Variants in DPYD observed in about 807,000 individuals in gnomAD.
DPYD encodes the protein dihydropyrimidine dehydrogenase [NADP(+)].
In DPYD, 109 loss-of-function variants were observed where a neutral mutation model predicts 116.2. The ratio of observed to expected loss-of-function variants is 0.94; its 90% confidence interval spans 0.80 to 1.10. DPYD has a LOEUF of 1.10. Ranked by LOEUF, DPYD falls within the 50% of genes least tolerant of loss-of-function variation. The pLI is 0.00. For synonymous variants in DPYD, 440 were observed against 432.0 expected, an observed-to-expected ratio of 1.02 and a Z score of -0.23; for missense variants, 1,302 against 1,254.5, an observed-to-expected ratio of 1.04 and a Z score of -0.57.
chr1:97,501,943 G>GTA (rs1389136792), intron 13 of DPYD, among the ~76,000 whole-genome samples: 1 of 151,948 alleles, frequency 6.6e-6, no homozygotes, highest in Non-Finnish European at 1.5e-5. Context: ...CTGAGGTCAT[G>GTA]TATATGTCAT....
chr1:97,154,612 C>T (rs966611542), intron 20 of DPYD, among the ~76,000 whole-genome samples: 5 of 151,614 alleles, frequency 3.3e-5, no homozygotes, highest in East Asian at 1.9e-4. Flanking sequence ...GGCATAGTAG[C>T]GCACTCCTGT....
chr1:97,881,364 C>G (rs1020474007), intron 2 of DPYD, among the ~76,000 whole-genome samples: 3 of 151,958 alleles, frequency 2.0e-5, no homozygotes, highest in Admixed American at 6.6e-5. Context: ...GACTCCTAAC[C>G]TCCAGAACTG....
intron 13 of DPYD, among the ~76,000 whole-genome samples, chr1:97,476,840 C>G (rs1400612776): frequency 2.0e-5 from 3 of 152,108 alleles, no homozygotes; most frequent in Admixed American, 6.6e-5. Context: ...AAGTGAATCA[C>G]ACAATTATTT....
chr1:97,781,829 C>A (rs1666764312), intron 3 of DPYD, among the ~76,000 whole-genome samples: 1 of 152,164 alleles, frequency 6.6e-6, no homozygotes, highest in Non-Finnish European at 1.5e-5. Context: ...TTAATCAGCA[C>A]TAAATAATAT....
At chr1:97,766,968 G>GA (rs981405340) in intron 3 of DPYD, among the ~76,000 whole-genome samples, 9 of 152,238 alleles carry the variant, frequency 5.9e-5, no homozygotes, top group African/African-American at 2.2e-4. Flanking sequence ...GGTACCATGT[G>GA]AAAAAATAAA....
rs117454424 is a variant in DPYD, at chr1:97,792,919, C to T, written c.233+35195G>A. On this transcript the variant is annotated intron_variant, in intron 3 of 22. Coordinates refer to ENST00000370192, the MANE Select transcript of DPYD (RefSeq NM_000110.4). ...AAGAGAAGCCTCAGAAGACATAACA[C>T]GTAAATATAATTTGGTATCCTGGAT... is the stretch of plus-strand genomic sequence containing the variant. Among the ~76,000 whole-genome samples the T allele has an allele frequency of 2.2e-3, 331 of 152,018 alleles. 14 individuals are homozygous for T. The East Asian group carries it at 0.058, about 27-fold the overall frequency.
At chr1:97,584,964 T>TAATAAC (rs1255781446) in intron 10 of DPYD, among the ~76,000 whole-genome samples, 1 of 149,282 alleles carries the variant, frequency 6.7e-6, no homozygotes, top group African/African-American at 2.4e-5. Flanking sequence ...ATAATAATAA[T>TAATAAC]AATAAAGAAA....
intron 16 of DPYD, among the ~76,000 whole-genome samples, chr1:97,343,538 CATTTT>C (rs1209994778): frequency 6.6e-6 from 1 of 151,892 alleles, no homozygotes; most frequent in Non-Finnish European, 1.5e-5. Context: ...AGAGTAAAAA[CATTTT>C]GTTTTGTTGC....
chr1:97,086,986 T>C (rs989477017), intron 21 of DPYD, among the ~76,000 whole-genome samples: 8 of 152,252 alleles, frequency 5.3e-5, no homozygotes, highest in Non-Finnish European at 1.2e-4. Flanking sequence ...TTTTATGGTA[T>C]ATTCACTTCT....
chr1:97,385,492 C>A, intron 14 of DPYD, among the ~76,000 whole-genome samples: 1 of 146,358 alleles, frequency 6.8e-6, no homozygotes, highest in East Asian at 2.0e-4. Flanking sequence ...AACTGATAAG[C>A]AATATGCATA....
intron 8 of DPYD, among the ~76,000 whole-genome samples, chr1:97,652,706 A>C (rs1658658298): frequency 6.6e-6 from 1 of 152,228 alleles, no homozygotes; most frequent in Non-Finnish European, 1.5e-5. Flanking sequence ...TATGGTGAAG[A>C]TCCTGAGCAT....
chr1:97,255,138 G>A (rs1451896746), intron 18 of DPYD, among the ~76,000 whole-genome samples: 1 of 152,060 alleles, frequency 6.6e-6, no homozygotes, highest in East Asian at 1.9e-4. Context: ...GATAATATAT[G>A]TTTTATTTTA....
At chr1:97,580,754 C>T (rs1653594840) in intron 10 of DPYD, among the ~76,000 whole-genome samples, 1 of 152,170 alleles carries the variant, frequency 6.6e-6, no homozygotes, top group South Asian at 2.1e-4. Context: ...TCATCCTCCA[C>T]TATGACCCAG....
chr1:97,404,811 C>T (rs1165252301), intron 14 of DPYD, among the ~76,000 whole-genome samples: 1 of 151,932 alleles, frequency 6.6e-6, no homozygotes, highest in African/African-American at 2.4e-5. Context: ...GGATTAATAT[C>T]TACTATATTG....
chr1:97,208,929 G>GT (rs2101866129), intron 19 of DPYD, among the ~76,000 whole-genome samples: 1 of 152,188 alleles, frequency 6.6e-6, no homozygotes, highest in African/African-American at 2.4e-5. Flanking sequence ...TCTGAATTTT[G>GT]TATCTGAATG....
In DPYD at chr1:97,549,568, A is replaced by G; in HGVS notation, c.1516T>C (p.Tyr506His). The G allele has an allele frequency of 6.2e-7, 1 of 1,613,822 alleles. No individual in the cohort carries two copies. Among genetic ancestry groups the G allele is most frequent in the Non-Finnish European group, 8.5e-7 (1 of 1,179,796 alleles). ...GKQASWYIHK[Y>H]VQSQYGASVS... is the part of the protein sequence containing the mutation. ...TGATGGCAAATGCCTACCTGTACGT[A>G]TTTGTGAATGTACCAAGAAGCTTGC... Residue 506 changes from tyrosine to histidine, a missense_variant, in exon 12 of 23, where the codon TAC becomes CAC. Physicochemically the swap from Tyr to His is moderately conservative, Grantham distance 83 (BLOSUM62 2). Transcript: ENST00000370192.
chr1:97,187,883 G>A (rs1658105573), intron 20 of DPYD, among the ~76,000 whole-genome samples: 1 of 152,098 alleles, frequency 6.6e-6, no homozygotes, highest in Admixed American at 6.5e-5. Context: ...GTTGACTGTA[G>A]ATATGTGGCT....
chr1:97,172,835 C>T (rs1293662783), intron 20 of DPYD, among the ~76,000 whole-genome samples: 3 of 152,080 alleles, frequency 2.0e-5, no homozygotes, highest in Non-Finnish European at 4.4e-5. Context: ...ATCATTTAGC[C>T]AGAGCCAGCC....
At chr1:97,540,733 G>T (rs2102054823) in intron 12 of DPYD, among the ~76,000 whole-genome samples, 1 of 152,264 alleles carries the variant, frequency 6.6e-6, no homozygotes, top group Non-Finnish European at 1.5e-5. Context: ...CGGAGGTTGG[G>T]GAGCAGGGCT....
Sources: gnomAD v4.1 joint callset for allele counts (sites outside exome capture counted in the v4.1 genomes callset) on GRCh38, gnomAD v4.1.1 for gene constraint, MANE v1.5 for transcripts, NCBI Gene and HGNC (gene_info 2026-07-23, HGNC 2026-07-21) for gene names.